MAPKAP1: variants seen among roughly 807,000 people sequenced by gnomAD.
MAPKAP1 encodes MAPK associated protein 1, also known as target of rapamycin complex 2 subunit MAPKAP1.
A neutral mutation model predicts 65.7 loss-of-function variants in MAPKAP1; 20 were observed. That is an observed-to-expected ratio of 0.30 (90% CI 0.21 to 0.44). The LOEUF (loss-of-function observed/expected upper bound fraction) is 0.44. Among genes scored for constraint, MAPKAP1 ranks in the 20% least tolerant of loss-of-function variants. MAPKAP1 has a pLI of 1.00. For synonymous variants in MAPKAP1, 222 were observed against 244.3 expected (o/e 0.91, Z 0.85); for missense variants, 423 against 648.0 (o/e 0.65, Z 3.77).
chr9:125,693,414 CAA>C (rs140359169), intron 1 of MAPKAP1, among the ~76,000 whole-genome samples: 2,615 of 118,574 alleles, frequency 0.022, 146 homozygotes, highest in East Asian at 0.17. Context: ...AATTCCGCCT[CAA>C]AAAAAAAAAA....
intron 1 of MAPKAP1, among the ~76,000 whole-genome samples, chr9:125,698,050 T>C (rs891516280): frequency 9.2e-5 from 14 of 151,454 alleles, no homozygotes; most frequent in African/African-American, 3.4e-4. Context: ...CATGGAAAAG[T>C]GACCCCCAAC....
intron 7 of MAPKAP1, among the ~76,000 whole-genome samples, chr9:125,527,612 ACTCT>A (rs948995948): frequency 9.2e-5 from 14 of 151,834 alleles, no homozygotes; most frequent in Admixed American, 8.5e-4. Flanking sequence ...TAGGCTGTGC[ACTCT>A]CTCTCTCTTT....
chr9:125,652,297 A>G, intron 4 of MAPKAP1: 1 of 1,170,084 alleles, frequency 8.5e-7, no homozygotes, highest in Non-Finnish European at 1.1e-6. Flanking sequence ...TTTAAGGACT[A>G]TCATCCCAAA....
At chr9:125,659,443 C>T (rs1372242808) in intron 3 of MAPKAP1, among the ~76,000 whole-genome samples, 1 of 152,164 alleles carries the variant, frequency 6.6e-6, no homozygotes, top group Non-Finnish European at 1.5e-5. Flanking sequence ...ACACCTCCTC[C>T]CCTCTTCCTC....
rs1697478533 is a variant in MAPKAP1 at position 125,447,542 on chromosome 9, G to C, written c.1346-2944C>G. On this transcript the variant is annotated intron_variant, in intron 10 of 11. Coordinates refer to ENST00000265960, the MANE Select transcript of MAPKAP1 (RefSeq NM_001006617.3). This position sits in a 1 kb window ranked among gnomAD's most constrained non-coding sequence, Gnocchi z 4.5. The stretch of plus-strand genomic sequence containing the variant: ...AGCCATGCTGGGCCATAGGACATGG[G>C]GCGGACTCACTCCGCGGGCGTTTCT... 14 of 453,700 alleles carry C rather than the reference G, an allele frequency of 3.1e-5. No individual in the cohort carries two copies. The highest frequency in any genetic ancestry group is 2.2e-4 in the South Asian group (14 of 64,448). 28.1% of individuals were successfully genotyped at this position (453,700 alleles called of 1,614,324 possible). A position where few individuals can be genotyped will look rare whatever the true frequency, so the allele number is the denominator to read the frequency against.
chr9:125,693,196 T>C (rs1475623874), intron 1 of MAPKAP1, among the ~76,000 whole-genome samples: 1 of 151,988 alleles, frequency 6.6e-6, no homozygotes, highest in Non-Finnish European at 1.5e-5. Context: ...GCGGATCACC[T>C]GATGTCAGGA....
chr9:125,640,503 C>A (rs757309994), intron 4 of MAPKAP1, among the ~76,000 whole-genome samples: 1 of 151,982 alleles, frequency 6.6e-6, no homozygotes, highest in African/African-American at 2.4e-5. Context: ...AGGAGCAAGA[C>A]AAACATTAAA....
chr9:125,677,206 A>C (rs1349771216), intron 1 of MAPKAP1, among the ~76,000 whole-genome samples: 1 of 152,144 alleles, frequency 6.6e-6, no homozygotes, highest in Non-Finnish European at 1.5e-5. Context: ...TGGGAGGCCG[A>C]GGCGGGCGGA....
chr9:125,629,907 G>T (rs1192827237), intron 4 of MAPKAP1, among the ~76,000 whole-genome samples: 3 of 152,140 alleles, frequency 2.0e-5, no homozygotes, highest in Non-Finnish European at 4.4e-5. Context: ...TATAATAAAT[G>T]TGGCTTTTGT....
chr9:125,604,660 AAT>A (rs1832393430), intron 4 of MAPKAP1, among the ~76,000 whole-genome samples: 1 of 152,278 alleles, frequency 6.6e-6, no homozygotes, highest in Non-Finnish European at 1.5e-5. Flanking sequence ...ATATGTTGTT[AAT>A]AAAGAATGAA....
intron 4 of MAPKAP1, among the ~76,000 whole-genome samples, chr9:125,616,914 T>C (rs1476105046): frequency 1.3e-5 from 2 of 152,188 alleles, no homozygotes; most frequent in Non-Finnish European, 2.9e-5. Context: ...TTAAATAAAA[T>C]AGAATTGATT....
intron 1 of MAPKAP1, among the ~76,000 whole-genome samples, chr9:125,684,718 C>T (rs73593577): frequency 6.6e-6 from 1 of 152,150 alleles, no homozygotes; most frequent in East Asian, 1.9e-4. Context: ...CCTTCTTCCC[C>T]TGACTACCTC....
At chr9:125,563,776 G>A (rs906929069) in intron 5 of MAPKAP1, among the ~76,000 whole-genome samples, 1 of 152,070 alleles carries the variant, frequency 6.6e-6, no homozygotes, top group Non-Finnish European at 1.5e-5. Flanking sequence ...GAGTGCAATG[G>A]CACGATCTCT....
intron 4 of MAPKAP1, among the ~76,000 whole-genome samples, chr9:125,633,767 A>C (rs1465628620): frequency 6.6e-6 from 1 of 152,188 alleles, no homozygotes; most frequent in Non-Finnish European, 1.5e-5. Flanking sequence ...TAAAAGGGGA[A>C]AAAAAGTAAA....
At chr9:125,472,859 A>G (rs1853971192) in intron 9 of MAPKAP1, among the ~76,000 whole-genome samples, 1 of 152,250 alleles carries the variant, frequency 6.6e-6, no homozygotes, top group Admixed American at 6.5e-5. Context: ...TAGTAGAATT[A>G]TATCCTTTCC....
At chr9:125,500,224 G>A (rs998593505) in intron 8 of MAPKAP1, among the ~76,000 whole-genome samples, 20 of 152,044 alleles carry the variant, frequency 1.3e-4, no homozygotes, top group African/African-American at 4.6e-4. Flanking sequence ...GTCTCACTCT[G>A]TCACCCAGGA....
At chr9:125,590,304 G>A (rs921239360) in intron 4 of MAPKAP1, among the ~76,000 whole-genome samples, 13 of 152,266 alleles carry the variant, frequency 8.5e-5, no homozygotes, top group African/African-American at 2.4e-4. Flanking sequence ...GGTCACATGA[G>A]GCCAAGAACG....
rs368591511 is a variant in MAPKAP1, at chr9:125,468,755, T to C, written c.1208-646A>G. Among the ~76,000 whole-genome samples the C allele has an allele frequency of 1.1e-4, 16 of 152,356 alleles. No individual in the cohort carries two copies. The East Asian group carries it at 2.1e-3, about 20-fold the overall frequency. On this transcript the variant is annotated intron_variant, in intron 9 of 11. Coordinates refer to ENST00000265960, the MANE Select transcript of MAPKAP1 (RefSeq NM_001006617.3). Reference sequence around the variant, plus strand: ...GCCTGGCTTCAGGCTGCAGAGGTCATTGCCCCCCTGCTGAGGGCGAGACTC... The same window carrying C: ...GCCTGGCTTCAGGCTGCAGAGGTCACTGCCCCCCTGCTGAGGGCGAGACTC...
chr9:125,449,546 G>A (rs1852861691), intron 10 of MAPKAP1, among the ~76,000 whole-genome samples: 1 of 152,190 alleles, frequency 6.6e-6, no homozygotes, highest in Non-Finnish European at 1.5e-5. Flanking sequence ...CTCCACTCGT[G>A]AGTACTGAAG....
Sources: allele counts gnomAD v4.1 joint callset (sites outside exome capture counted in the v4.1 genomes callset), GRCh38; gene constraint gnomAD v4.1.1; non-coding constraint Gnocchi (gnomAD v3.1); transcripts MANE v1.5; gene names NCBI Gene and HGNC (gene_info 2026-07-23, HGNC 2026-07-21).